Variants in ZNF157 observed in about 807,000 individuals in gnomAD.
ZNF157 encodes zinc finger protein 157, also known as zinc finger protein 22.
ZNF157 carries 8 observed loss-of-function variants against 9.4 expected under a neutral mutation model. That is an observed-to-expected ratio of 0.85 (90% CI 0.50 to 1.53). ZNF157 has a LOEUF of 1.53. Ranked by LOEUF, ZNF157 falls within the 40% of genes most tolerant of loss-of-function variation. The probability of loss-of-function intolerance (pLI) is 0.00; values close to 1 mark genes in which losing one functional copy is unlikely to be tolerated. For synonymous variants in ZNF157, 120 were observed against 130.8 expected, an observed-to-expected ratio of 0.92 and a Z score of 0.56; for missense variants, 316 against 385.2, an observed-to-expected ratio of 0.82 and a Z score of 1.50.
intron 1 of ZNF157, among the ~76,000 whole-genome samples, chrX:47,373,198 TA>T (rs202105536): frequency 0.26 from 27,751 of 108,064 alleles, 3,021 homozygotes; most frequent in Middle Eastern, 0.47. Flanking sequence ...GACTCTGTCT[TA>T]AAAAAAAATC....
At chrX:47,388,501 G>A (rs2147405477) in intron 1 of ZNF157, 1 of 109,899 alleles carries the variant, frequency 9.1e-6, no homozygotes, top group East Asian at 2.9e-4. Flanking sequence ...TATTTTTGTA[G>A]AGACAGAGTC....
chrX:47,383,353 C>T (rs1267189859), intron 1 of ZNF157, among the ~76,000 whole-genome samples: 6 of 68,972 alleles, frequency 8.7e-5, no homozygotes, highest in Admixed American at 2.5e-4. Context: ...GCCTGGGTGA[C>T]AGAGAGGGAC....
At chrX:47,406,171 C>T (rs2055946393) in intron 1 of ZNF157, among the ~76,000 whole-genome samples, 1 of 109,957 alleles carries the variant, frequency 9.1e-6, no homozygotes, top group Non-Finnish European at 1.9e-5. Context: ...CTCAAGCAAT[C>T]CTCCCACATC....
chrX:47,391,440 T>C (rs888609327), intron 1 of ZNF157: 2 of 112,453 alleles, frequency 1.8e-5, no homozygotes, highest in African/African-American at 6.5e-5. Context: ...GGATCCCTAA[T>C]CTGAAAATCT....
chrX:47,372,718 T>C (rs1008527491), intron 1 of ZNF157, among the ~76,000 whole-genome samples: 1 of 109,078 alleles, frequency 9.2e-6, no homozygotes, highest in Non-Finnish European at 1.9e-5. Flanking sequence ...GGTCTCAAAC[T>C]CCCGACCTCA....
At chrX:47,370,761 T>C in intron 1 of ZNF157, 21 bp downstream of exon 1, 1 of 1,130,580 alleles carries the variant, frequency 8.8e-7, no homozygotes, top group Non-Finnish European at 1.2e-6. Context: ...GGATCCTATT[T>C]TTTTCTATAT....
At chrX:47,410,206 A>G in intron 1 of ZNF157, 70 bp from the exon 2 acceptor site, 1 of 1,187,516 alleles carries the variant, frequency 8.4e-7, no homozygotes. Flanking sequence ...ACAGGGCTCC[A>G]TTGAGAAGAT....
intron 1 of ZNF157, among the ~76,000 whole-genome samples, chrX:47,372,869 C>T (rs1189831982): frequency 9.1e-6 from 1 of 110,179 alleles, no homozygotes; most frequent in Non-Finnish European, 1.9e-5. Flanking sequence ...AATTCAAGAC[C>T]AGCCTGGGCA....
intron 1 of ZNF157, among the ~76,000 whole-genome samples, chrX:47,381,791 GAC>G (rs1299180551): frequency 8.9e-6 from 1 of 111,956 alleles, no homozygotes; most frequent in Non-Finnish European, 1.9e-5. Context: ...ACTTGAGCCA[GAC>G]ACACAAAAAC....
chrX:47,372,111 C>T (rs1043421419), intron 1 of ZNF157, among the ~76,000 whole-genome samples: 7 of 111,027 alleles, frequency 6.3e-5, no homozygotes, highest in African/African-American at 1.6e-4. Context: ...CTAATATCCT[C>T]GGAATCTCTA....
intron 1 of ZNF157, among the ~76,000 whole-genome samples, chrX:47,379,876 A>G (rs1222344062): frequency 9.1e-6 from 1 of 109,903 alleles, no homozygotes; most frequent in Non-Finnish European, 1.9e-5. Flanking sequence ...TCTCTATTCT[A>G]TTCCATTGAT....
rs761809026 is a variant in ZNF157, at chrX:47,413,232, G to A, written c.1159G>A (p.Glu387Lys). Reference protein sequence around the residue: ...QRIHTGEKPYECNECGNAFYV... With the variant: ...QRIHTGEKPYKCNECGNAFYV... Reference sequence around the variant, plus strand: ...AATTCACACAGGAGAGAAACCTTACGAATGTAATGAGTGTGGTAATGCTTT... The same window carrying A: ...AATTCACACAGGAGAGAAACCTTACAAATGTAATGAGTGTGGTAATGCTTT... Residue 387 changes from glutamate (E) to lysine (K), a missense_variant, in exon 4 of 4, where the codon GAA becomes AAA. Transcript: ENST00000377073. 3.3e-6 allele frequency: 4 copies of A among 1,211,675 alleles called. No individual in the cohort carries two copies. Among genetic ancestry groups the A allele is most frequent in the Admixed American group, 2.2e-5 (1 of 46,013 alleles).
intron 3 of ZNF157, 118 bp downstream of exon 3, chrX:47,410,893 C>A: frequency 1.7e-6 from 1 of 577,916 alleles, no homozygotes; most frequent in Non-Finnish European, 2.7e-6. Flanking sequence ...GAGTTCCTAG[C>A]TCTTTGAAAA....
chrX:47,374,985 C>A (rs2055839894), intron 1 of ZNF157, among the ~76,000 whole-genome samples: 1 of 91,226 alleles, frequency 1.1e-5, no homozygotes, highest in Non-Finnish European at 2.1e-5. Context: ...GAGCCCTGAG[C>A]CCGGCTGACA....
rs376401678 is a variant in ZNF157 at position 47,413,624 on chromosome X, T to C, written c.*30T>C. 3.7e-5 allele frequency: 43 copies of C among 1,156,685 alleles called. No individual in the cohort carries two copies. The East Asian group carries it at 4.2e-4, about 11-fold the overall frequency. ...TTCCCTCACCATTGGATCAAGCTCC[T>C]TGGGGGCATATGATCACCAGGGCAC... On this transcript the variant is annotated 3_prime_UTR_variant, in exon 4 of 4. Transcript: ENST00000377073.
At chrX:47,372,250 C>G (rs898249597) in intron 1 of ZNF157, among the ~76,000 whole-genome samples, 1 of 109,900 alleles carries the variant, frequency 9.1e-6, no homozygotes, top group African/African-American at 3.3e-5. Context: ...CTCCAACCAC[C>G]TGGGAGGGGA....
chrX:47,408,898 T>G (rs983407609), intron 1 of ZNF157, among the ~76,000 whole-genome samples: 2 of 111,514 alleles, frequency 1.8e-5, no homozygotes, highest in Non-Finnish European at 3.8e-5. Context: ...CCTCCAACAC[T>G]GGGGATTACA....
At chrX:47,381,272 GAC>G (rs1221314000) in intron 1 of ZNF157, among the ~76,000 whole-genome samples, 1 of 110,960 alleles carries the variant, frequency 9.0e-6, no homozygotes, top group Non-Finnish European at 1.9e-5. Context: ...ATTTTAGAGA[GAC>G]AGTTTTAACA....
intron 1 of ZNF157, among the ~76,000 whole-genome samples, chrX:47,403,445 C>T (rs2055936943): frequency 9.1e-6 from 1 of 110,080 alleles, no homozygotes; most frequent in East Asian, 2.9e-4. Context: ...GTGATTCTCC[C>T]ACGTCAGCCT....
Sources: allele counts gnomAD v4.1 joint callset (sites outside exome capture counted in the v4.1 genomes callset), GRCh38; gene constraint gnomAD v4.1.1; transcripts MANE v1.5; gene names NCBI Gene and HGNC (gene_info 2026-07-23, HGNC 2026-07-21).